Variants in IQSEC3 observed in about 807,000 individuals in gnomAD.
IQSEC3 encodes the protein IQ motif and SEC7 domain-containing protein 3.
Under a neutral mutation model 105.4 loss-of-function variants are expected in IQSEC3, and 50 were observed. The ratio of observed to expected loss-of-function variants is 0.47; its 90% CI spans 0.38 to 0.60. The LOEUF is 0.60. Among genes scored for constraint, IQSEC3 ranks in the 20% least tolerant of loss-of-function variants. The pLI is 0.00. For missense variants in IQSEC3, 1,415 were observed against 1,630.0 expected, an observed-to-expected ratio of 0.87 and a Z score of 2.27; for synonymous variants, 708 against 746.0, an observed-to-expected ratio of 0.95 and a Z score of 0.83.
rs1368955214 is a variant in IQSEC3 at position 152,005 on chromosome 12, T to C, written c.2154-5020T>C. On this transcript the variant is annotated intron_variant, in intron 5 of 13. Transcript: ENST00000538872. This position sits in a 1 kb window ranked among gnomAD's most constrained non-coding sequence, Gnocchi z 4.8. ...CCCTACATAGAACTCATCATGACTA[T>C]AGGTAAAGAATTATTTTTGACTCTG... Among the ~76,000 whole-genome samples the C allele has an allele frequency of 1.3e-5, 2 of 152,184 alleles. No homozygotes were observed. Among genetic ancestry groups the C allele is most frequent in the East Asian group, 1.9e-4 (1 of 5,176 alleles).
At chr12:168,780 T>G (rs1938810823) in intron 11 of IQSEC3, among the ~76,000 whole-genome samples, 1 of 152,106 alleles carries the variant, frequency 6.6e-6, no homozygotes, top group African/African-American at 2.4e-5. Context: ...TGTGCCTCTC[T>G]GACGTTCAAG....
chr12:103,629 G>T (rs185535108), intron 2 of IQSEC3, among the ~76,000 whole-genome samples: 35 of 40,562 alleles, frequency 8.6e-4, no homozygotes, highest in Non-Finnish European at 1.2e-3. Flanking sequence ...TGGAGTTCAG[G>T]GGGGAGGCGG....
intron 5 of IQSEC3, among the ~76,000 whole-genome samples, chr12:156,522 G>T (rs1006256940): frequency 1.1e-4 from 16 of 152,180 alleles, no homozygotes; most frequent in Non-Finnish European, 2.4e-4. Flanking sequence ...GCTGCAGAAA[G>T]CCCCAGGGGC....
intron 4 of IQSEC3, chr12:139,560 T>C (rs1865932088): frequency 2.3e-6 from 1 of 441,870 alleles, no homozygotes; most frequent in Non-Finnish European, 4.0e-6. Context: ...CTGAGTTTAT[T>C]TTAAGAAAGA....
chr12:130,303 C>T (rs534985459), intron 3 of IQSEC3, among the ~76,000 whole-genome samples: 10 of 152,344 alleles, frequency 6.6e-5, no homozygotes, highest in South Asian at 4.1e-4. Context: ...GTTATCTCCC[C>T]GGGTCTGCAC....
At chr12:140,088 G>A (rs1865956078) in intron 4 of IQSEC3, among the ~76,000 whole-genome samples, 1 of 152,156 alleles carries the variant, frequency 6.6e-6, no homozygotes, top group African/African-American at 2.4e-5. Flanking sequence ...TGCGCCAAGA[G>A]CACATCTCCC....
chr12:131,764 T>G (rs1555085188), intron 3 of IQSEC3, among the ~76,000 whole-genome samples: 1 of 151,826 alleles, frequency 6.6e-6, no homozygotes, highest in South Asian at 2.1e-4. Flanking sequence ...GCACTGAGCA[T>G]TGAGGGTGGG....
Position 138,330 on chromosome 12 carries a change from C to G in IQSEC3, c.967C>G (p.Gln323Glu), listed in dbSNP as rs782038819. Residue 323 changes from glutamine to glutamate, a missense_variant, in exon 4 of 14, where the codon CAA becomes GAA. By Grantham distance (29) the Gln-to-Glu change is conservative (BLOSUM62 2). Around this residue, in one of 6 missense-constraint regions of IQSEC3, gnomAD observed 720 missense variants for 633.0 expected, o/e 1.14. Coordinates refer to ENST00000538872, the MANE Select transcript of IQSEC3 (RefSeq NM_001170738.2). The surrounding 1 kb of genome is among the most constrained non-coding windows in gnomAD (Gnocchi z 7.1). ...LVSRRAACTIQTAFRQYQLSK... is the reference protein window; with the variant it reads ...LVSRRAACTIETAFRQYQLSK... ...GTCCCGGCGCGCCGCTTGCACCATC[C>G]AAACCGCCTTCCGCCAATACCAGCT... is the stretch of plus-strand genomic sequence containing the variant. 6.2e-7 allele frequency: 1 copy of G among 1,613,918 alleles called. No homozygotes were observed. Among genetic ancestry groups the G allele is most frequent in the Non-Finnish European group, 8.5e-7 (1 of 1,180,028 alleles).
At position 112,265 on chromosome 12, in the gene IQSEC3, T is replaced by C. The variant is rs7977888; in HGVS notation, c.623+13051T>C. Among the ~76,000 whole-genome samples the C allele has an allele frequency of 4.9e-3, 700 of 143,288 alleles. 5 individuals carry two copies. Among genetic ancestry groups the C allele is most frequent in the African/African-American group, 0.018 (671 of 38,110 alleles). 94.0% of individuals were successfully genotyped at this position (143,288 alleles called of 152,430 possible). A position where few individuals can be genotyped will look rare whatever the true frequency, so the allele number is the denominator to read the frequency against. On this transcript the variant is annotated intron_variant, in intron 2 of 13. Transcript: ENST00000538872. ...TTCATCTTAGACTAAACTTCTTTGG[T>C]TCGGGGAGGGCAACTAAGGAGTGGG...
intron 1 of IQSEC3, among the ~76,000 whole-genome samples, chr12:85,045 C>T (rs1276016507): frequency 6.6e-6 from 1 of 152,208 alleles, no homozygotes; most frequent in Non-Finnish European, 1.5e-5. Context: ...ATAATAATGA[C>T]ATTAATTATC....
At chr12:85,175 GAAACAC>G (rs1863877372) in intron 1 of IQSEC3, among the ~76,000 whole-genome samples, 1 of 152,238 alleles carries the variant, frequency 6.6e-6, no homozygotes, top group African/African-American at 2.4e-5. Context: ...CATTCCTGGA[GAAACAC>G]TGCGTGCCCA....
At chr12:117,606 A>G (rs946827351) in intron 2 of IQSEC3, among the ~76,000 whole-genome samples, 25 of 152,180 alleles carry the variant, frequency 1.6e-4, no homozygotes, top group Admixed American at 2.0e-4. Flanking sequence ...ATTCTGGCCT[A>G]GGTGAGGGGA....
At chr12:149,459 C>T (rs1049127584) in intron 5 of IQSEC3, among the ~76,000 whole-genome samples, 23 of 152,102 alleles carry the variant, frequency 1.5e-4, no homozygotes, top group African/African-American at 5.6e-4. Flanking sequence ...AATCCTGGGC[C>T]GTTGGGTAGA....
At chr12:78,283 G>C (rs1177792618) in intron 1 of IQSEC3, among the ~76,000 whole-genome samples, 1 of 151,902 alleles carries the variant, frequency 6.6e-6, no homozygotes, top group Non-Finnish European at 1.5e-5. Flanking sequence ...TCGGGGCCGC[G>C]GCCTTCGGGC....
intron 4 of IQSEC3, 115 bp downstream of exon 4, chr12:139,469 G>A: frequency 1.3e-6 from 1 of 794,230 alleles, no homozygotes; most frequent in South Asian, 2.1e-5. Context: ...CGTCATGCCA[G>A]GGTCCTCCAG....
In IQSEC3 at chr12:138,998, GGAGGACGCGTCAGCC is replaced by G; in HGVS notation, c.1642_1656del (p.Ala548_Asp552del). On this transcript the variant is annotated inframe_deletion, in exon 4 of 14. Coordinates refer to ENST00000538872, the MANE Select transcript of IQSEC3 (RefSeq NM_001170738.2). This position sits in a 1 kb window ranked among gnomAD's most constrained non-coding sequence, Gnocchi z 7.1. ...CCCCGGAAGCCCCCGCCGTGGGCCGGGAGGACGCGTCAGCCGAGGACTCATGCGCAGAGGCTGCGG... is the reference window on the plus strand; with the variant it reads ...CCCCGGAAGCCCCCGCCGTGGGCCGGGAGGACTCATGCGCAGAGGCTGCGG... 6.5e-7 allele frequency: 1 copy of G among 1,529,696 alleles called. No individual in the cohort carries two copies. Among genetic ancestry groups the G allele is most frequent in the Admixed American group, 2.1e-5 (1 of 47,636 alleles). The allele number at this position is 1,529,696 out of a possible 1,614,324, so 94.8% of individuals were successfully genotyped here. A position where few individuals can be genotyped will look rare whatever the true frequency, so the allele number is the denominator to read the frequency against.
chr12:99,274 G>T, intron 2 of IQSEC3, 60 bp downstream of exon 2: 2 of 1,489,630 alleles, frequency 1.3e-6, no homozygotes, highest in African/African-American at 2.7e-5. Flanking sequence ...TTACAACAAA[G>T]CACGTACCAC....
chr12:123,065 A>G (rs1044032565), intron 2 of IQSEC3, among the ~76,000 whole-genome samples: 1 of 152,174 alleles, frequency 6.6e-6, no homozygotes, highest in African/African-American at 2.4e-5. Flanking sequence ...GGTTGAAGTT[A>G]GAGCTTAAAA....
rs782424386 is a variant in IQSEC3, at chr12:138,899, C to T, written c.1536C>T (p.Gly512=). 5.6e-6 allele frequency: 9 copies of T among 1,608,820 alleles called. No homozygotes were observed. The African/African-American group carries it at 6.7e-5, about 12-fold the overall frequency. The change falls in exon 4 of 14, where the codon GGC becomes GGT. Residue 512 remains glycine, a synonymous_variant. Transcript: ENST00000538872. The surrounding 1 kb of genome is among the most constrained non-coding windows in gnomAD (Gnocchi z 7.1). ...CTCTGTCGGTGGCCAACTGCCTGGGCGCTCAGACGGTCCAGGCCCCCGCAG... is the reference window on the plus strand; with the variant it reads ...CTCTGTCGGTGGCCAACTGCCTGGGTGCTCAGACGGTCCAGGCCCCCGCAG... The part of the protein sequence containing the change: ...STALSVANCL[G]AQTVQAPAEP...
Sources: allele counts gnomAD v4.1 joint callset (sites outside exome capture counted in the v4.1 genomes callset), GRCh38; gene constraint gnomAD v4.1.1; regional missense constraint gnomAD v4.1.1; non-coding constraint Gnocchi (gnomAD v3.1); transcripts MANE v1.5; gene names NCBI Gene and HGNC (gene_info 2026-07-23, HGNC 2026-07-21).